TRHDE: variants seen among roughly 807,000 people sequenced by gnomAD.
TRHDE encodes the protein thyrotropin-releasing hormone-degrading ectoenzyme.
TRHDE carries 72 observed loss-of-function variants against 125.7 expected under a neutral mutation model. That is an observed-to-expected ratio of 0.57 (90% confidence interval 0.47 to 0.70). The LOEUF (loss-of-function observed/expected upper bound fraction) is 0.70, where lower values mean the gene tolerates loss of function less well. Among genes scored for constraint, TRHDE ranks in the 30% least tolerant of loss-of-function variants. The probability of loss-of-function intolerance (pLI) is 0.00; values close to 1 mark genes in which losing one functional copy is unlikely to be tolerated. For missense variants in TRHDE, 1,110 were observed against 1,327.1 expected (o/e 0.84, Z 2.54); for synonymous variants, 509 against 509.1 (o/e 1.00, Z 0.00).
chr12:72,417,516 T>G (rs12367387), intron 3 of TRHDE, among the ~76,000 whole-genome samples: 7,385 of 152,132 alleles, frequency 0.049, 259 homozygotes, highest in Non-Finnish European at 0.073. Flanking sequence ...TGATTCTATC[T>G]GTACCAAGTA....
At chr12:72,315,848 C>G (rs576884005) in intron 2 of TRHDE, among the ~76,000 whole-genome samples, 6 of 152,330 alleles carry the variant, frequency 3.9e-5, no homozygotes, top group African/African-American at 1.2e-4. Context: ...GCTTGATTTT[C>G]TGCAGCATTT....
rs1201500622 is a variant in TRHDE at position 72,272,917 on chromosome 12, T to C, written c.274T>C (p.Ser92Pro). Residue 92 changes from serine to proline, a missense_variant, in exon 1 of 19, where the codon TCC (serine) becomes CCC (proline). Around this residue, in one of 5 missense-constraint regions of TRHDE, gnomAD observed 248 missense variants for 240.8 expected, o/e 1.03. Coordinates refer to ENST00000261180, the MANE Select transcript of TRHDE (RefSeq NM_013381.3). This position sits in a 1 kb window ranked among gnomAD's most constrained non-coding sequence, Gnocchi z 6.7. The stretch of plus-strand genomic sequence containing the variant: ...GCGGCTTGTGCTGGCCTTCGCTGTG[T>C]CCCTCGTGGCATTGCTCGCGGTCAC... ...HKRLVLAFAVSLVALLAVTML... is the reference protein window; with the variant it reads ...HKRLVLAFAVPLVALLAVTML... 1.9e-6 allele frequency: 3 copies of C among 1,579,378 alleles called. No homozygotes were observed. Among genetic ancestry groups the C allele is most frequent in the African/African-American group, 2.7e-5 (2 of 74,670 alleles).
intron 3 of TRHDE, among the ~76,000 whole-genome samples, chr12:72,438,044 A>T (rs2135851784): frequency 6.6e-6 from 1 of 151,854 alleles, no homozygotes; most frequent in Non-Finnish European, 1.5e-5. Flanking sequence ...TCTGTGACTG[A>T]CTGGGTTATT....
intron 12 of TRHDE, among the ~76,000 whole-genome samples, chr12:72,618,499 G>A (rs1872911900): frequency 6.6e-6 from 1 of 152,022 alleles, no homozygotes; most frequent in Non-Finnish European, 1.5e-5. Context: ...ATTACCCTGA[G>A]CTAAATGACA....
At chr12:72,479,641 T>A (rs993653156) in intron 5 of TRHDE, among the ~76,000 whole-genome samples, 2 of 94,460 alleles carry the variant, frequency 2.1e-5, no homozygotes, top group Non-Finnish European at 4.4e-5. Flanking sequence ...TAAAGGATTT[T>A]TTTTTGTTTT....
intron 3 of TRHDE, among the ~76,000 whole-genome samples, chr12:72,430,318 CATGT>C (rs1232873306): frequency 1.4e-4 from 19 of 137,216 alleles, no homozygotes; most frequent in Non-Finnish European, 2.5e-4. Context: ...TGTATATATA[CATGT>C]ATACATATAT....
intron 6 of TRHDE, among the ~76,000 whole-genome samples, chr12:72,530,704 T>C (rs557747836): frequency 6.6e-6 from 1 of 152,062 alleles, no homozygotes; most frequent in South Asian, 2.1e-4. Flanking sequence ...ATGGCTTGCT[T>C]CTTCATTTGA....
intron 2 of TRHDE, among the ~76,000 whole-genome samples, chr12:72,259,466 G>A (rs994266493): frequency 2.0e-5 from 3 of 152,056 alleles, no homozygotes. Context: ...GTTTCTTATA[G>A]TGGAAAGCAT....
intron 2 of TRHDE, among the ~76,000 whole-genome samples, chr12:72,112,249 G>C (rs1179136379): frequency 6.6e-6 from 1 of 152,108 alleles, no homozygotes; most frequent in Non-Finnish European, 1.5e-5. Flanking sequence ...CTGACATAAA[G>C]CAATATATGC....
At chr12:72,376,494 G>A (rs995457522) in intron 2 of TRHDE, among the ~76,000 whole-genome samples, 4 of 152,088 alleles carry the variant, frequency 2.6e-5, no homozygotes, top group Non-Finnish European at 5.9e-5. Context: ...TTCTAATACT[G>A]CCAGCCCAAA....
intron 7 of TRHDE, among the ~76,000 whole-genome samples, chr12:72,550,245 C>T (rs936189972): frequency 2.0e-5 from 3 of 151,606 alleles, no homozygotes; most frequent in African/African-American, 2.4e-5. Context: ...TTACAGATGC[C>T]GATTACAGAT....
intron 2 of TRHDE, among the ~76,000 whole-genome samples, chr12:72,327,831 A>T (rs927870616): frequency 4.6e-5 from 7 of 151,962 alleles, no homozygotes. Flanking sequence ...TTAAAAAAAA[A>T]TCCCAGCTTT....
chr12:72,203,291 C>A (rs1463424932), intron 2 of TRHDE, among the ~76,000 whole-genome samples: 1 of 151,990 alleles, frequency 6.6e-6, no homozygotes, highest in Non-Finnish European at 1.5e-5. Flanking sequence ...GAAATCCCGT[C>A]TCTACTAAAA....
chr12:72,620,101 A>G (rs1032537911), intron 13 of TRHDE, among the ~76,000 whole-genome samples: 10 of 152,098 alleles, frequency 6.6e-5, no homozygotes, highest in African/African-American at 2.4e-4. Flanking sequence ...GAAAGATTAC[A>G]CATTAATTTC....
chr12:72,095,016 G>C (rs1008857480), intron 1 of TRHDE, among the ~76,000 whole-genome samples: 2 of 152,184 alleles, frequency 1.3e-5, no homozygotes, highest in Admixed American at 1.3e-4. Flanking sequence ...ATTCTTTCTT[G>C]ATTATCTTTA....
chr12:72,099,715 T>C (rs1307360801), intron 1 of TRHDE, among the ~76,000 whole-genome samples: 1 of 152,204 alleles, frequency 6.6e-6, no homozygotes, highest in Non-Finnish European at 1.5e-5. Flanking sequence ...GACTTAAATC[T>C]AGTGAAACAA....
chr12:72,172,915 G>A (rs1876904256), intron 2 of TRHDE, among the ~76,000 whole-genome samples: 2 of 152,282 alleles, frequency 1.3e-5, no homozygotes, highest in Middle Eastern at 3.4e-3. Flanking sequence ...TCTTTTATGT[G>A]TAACAACAAA....
intron 1 of TRHDE, among the ~76,000 whole-genome samples, 159 bp from the exon 2 acceptor site, chr12:72,286,522 T>C (rs1879893498): frequency 6.6e-6 from 1 of 152,228 alleles, no homozygotes; most frequent in Non-Finnish European, 1.5e-5. Context: ...ATATTACATA[T>C]GGATTATGCT....
chr12:72,306,479 G>A (rs141590857), intron 2 of TRHDE, among the ~76,000 whole-genome samples: 16 of 152,018 alleles, frequency 1.1e-4, no homozygotes, highest in Non-Finnish European at 2.2e-4. Flanking sequence ...CTAATTTCTC[G>A]TTCATTTTAA....
Sources: gnomAD v4.1 joint callset for allele counts (sites outside exome capture counted in the v4.1 genomes callset) on GRCh38, gnomAD v4.1.1 for gene constraint, gnomAD v4.1.1 regional missense constraint, Gnocchi (gnomAD v3.1) non-coding constraint, MANE v1.5 for transcripts, NCBI Gene and HGNC (gene_info 2026-07-23, HGNC 2026-07-21) for gene names.